KATNB1: variants seen among roughly 807,000 people sequenced by gnomAD.
KATNB1 encodes katanin regulatory subunit B1.
A neutral mutation model predicts 82.3 loss-of-function variants in KATNB1; 38 were observed. The observed-to-expected ratio is 0.46, with a 90% CI of 0.36 to 0.61. KATNB1 has a LOEUF of 0.61. KATNB1 is among the 20% of genes least tolerant of loss of function. The pLI is 0.00. For synonymous variants in KATNB1, 361 were observed against 368.7 expected (o/e 0.98, Z 0.24); for missense variants, 749 against 915.7 (o/e 0.82, Z 2.35).
Position 57,751,660 on chromosome 16 carries a change from G to A in KATNB1, c.452G>A (p.Arg151Gln), listed in dbSNP as rs372154500. Residue 151 changes from arginine to glutamine, a missense_variant, in exon 7 of 20, where the codon CGG (arginine) becomes CAG (glutamine). Transcript: ENST00000379661. The surrounding 1 kb of genome is among the most constrained non-coding windows in gnomAD (Gnocchi z 6.3). ...FRYRGHSQAV[R>Q]CLRFSPDGKW... The stretch of plus-strand genomic sequence containing the variant: ...CCTCAGGGGCACAGCCAGGCCGTGC[G>A]GTGTCTCCGGTTCAGCCCCGATGGG... 27 of 1,611,294 alleles carry A rather than the reference G, an allele frequency of 1.7e-5. No homozygotes were observed. In the South Asian group the frequency reaches 2.3e-4, roughly 14 times the overall value.
At chr16:57,752,238 GT>G in intron 8 of KATNB1, 183 bp downstream of exon 8, 1 of 644,578 alleles carries the variant, frequency 1.6e-6, no homozygotes, top group South Asian at 1.8e-5. Context: ...CCTGGCTCTG[GT>G]TCCCTGGCCC....
rs529049366 is a variant in KATNB1, at chr16:57,746,627, T to C, written c.289+2116T>C. On this transcript the variant is annotated intron_variant, in intron 4 of 19. Coordinates refer to ENST00000379661, the MANE Select transcript of KATNB1 (RefSeq NM_005886.3). ...GAGAGGCTGGAAATCTGGAAATTCA[T>C]GTGCCTTGGTGCCTTAGCAGGTGGT... 8.5e-5 allele frequency among the ~76,000 whole-genome samples: 13 copies of C among 152,216 alleles called. No individual in the cohort carries two copies. In the East Asian group the frequency reaches 2.3e-3, roughly 27 times the overall value.
rs2049224032 is a variant in KATNB1, at chr16:57,751,195, C to T, written c.391-66C>T. ...GCCCCACCGTCTGCTCACGACTGCACACCTTCCTCCAGTCGTGGCTCTGAC... is the reference window on the plus strand; with the variant it reads ...GCCCCACCGTCTGCTCACGACTGCATACCTTCCTCCAGTCGTGGCTCTGAC... On this transcript the variant is annotated intron_variant, in intron 5 of 19. Coordinates refer to ENST00000379661, the MANE Select transcript of KATNB1 (RefSeq NM_005886.3). This position sits in a 1 kb window ranked among gnomAD's most constrained non-coding sequence, Gnocchi z 6.3. 8.8e-6 allele frequency: 13 copies of T among 1,485,284 alleles called. No individual in the cohort carries two copies. The highest frequency in any genetic ancestry group is 1.7e-5 in the Admixed American group (1 of 59,738). 92.0% of individuals were successfully genotyped at this position (1,485,284 alleles called of 1,614,324 possible).
chr16:57,744,673 G>T (rs782412931), intron 4 of KATNB1, among the ~76,000 whole-genome samples, 162 bp downstream of exon 4: 3 of 152,206 alleles, frequency 2.0e-5, no homozygotes, highest in Non-Finnish European at 2.9e-5. Context: ...CCATTAGCCT[G>T]GCATTGACAT....
chr16:57,747,037 A>G (rs927821990), intron 4 of KATNB1, among the ~76,000 whole-genome samples: 1 of 150,554 alleles, frequency 6.6e-6, no homozygotes, highest in Non-Finnish European at 1.5e-5. Context: ...ACGGACCACC[A>G]TGTCCCGCTA....
intron 13 of KATNB1, 24 bp downstream of exon 13, chr16:57,754,019 C>T (rs372977490): frequency 1.2e-6 from 2 of 1,608,150 alleles, no homozygotes; most frequent in African/African-American, 1.3e-5. Flanking sequence ...GCCTGGTTTC[C>T]CAAGGTCTCT....
Position 57,757,007 on chromosome 16 carries a change from G to C in KATNB1, c.*61G>C, listed in dbSNP as rs1360887458. 7.0e-7 allele frequency: 1 copy of C among 1,434,878 alleles called. No individual in the cohort carries two copies. The highest frequency in any genetic ancestry group is 2.7e-5 in the Admixed American group (1 of 36,804). The allele number at this position is 1,434,878 out of a possible 1,614,324, so 88.9% of individuals were successfully genotyped here. On this transcript the variant is annotated 3_prime_UTR_variant, in exon 20 of 20. Transcript: ENST00000379661. ...GGGCCTGGCCTCAGCCCCCACTCCTGTTCCTTGTGCACCCACTGGCCCATG... is the reference window on the plus strand; with the variant it reads ...GGGCCTGGCCTCAGCCCCCACTCCTCTTCCTTGTGCACCCACTGGCCCATG...
chr16:57,755,277 G>A (rs1555585455), intron 15 of KATNB1, 39 bp downstream of exon 15: 2 of 1,610,614 alleles, frequency 1.2e-6, no homozygotes, highest in East Asian at 4.5e-5. Flanking sequence ...GTGGAGGTCT[G>A]TGGGTGGAGG....
chr16:57,740,877 C>T (rs532251005), intron 2 of KATNB1, among the ~76,000 whole-genome samples: 7 of 152,188 alleles, frequency 4.6e-5, no homozygotes, highest in Non-Finnish European at 1.0e-4. Context: ...CCCATGCCCA[C>T]TCTCTCATGG....
chr16:57,741,605 G>A (rs1479421207), intron 2 of KATNB1, 82 bp from the exon 3 acceptor site: 48 of 1,472,412 alleles, frequency 3.3e-5, no homozygotes, highest in South Asian at 1.3e-4. Flanking sequence ...GTTCCAAAGC[G>A]GGTAGCCGAG....
intron 2 of KATNB1, among the ~76,000 whole-genome samples, chr16:57,737,840 T>A (rs1325113984): frequency 6.6e-6 from 1 of 152,200 alleles, no homozygotes; most frequent in East Asian, 1.9e-4. Context: ...CTTCATACTT[T>A]AAGAATTATT....
chr16:57,742,646 A>C (rs2049151523), intron 3 of KATNB1, among the ~76,000 whole-genome samples: 1 of 152,260 alleles, frequency 6.6e-6, no homozygotes, highest in Non-Finnish European at 1.5e-5. Context: ...ATTCTTTTAC[A>C]ACATAATTTT....
intron 1 of KATNB1, among the ~76,000 whole-genome samples, chr16:57,736,473 G>T (rs2049100688): frequency 6.6e-6 from 1 of 152,140 alleles, no homozygotes; most frequent in Admixed American, 6.5e-5. Context: ...TCTGTCCTTG[G>T]GAATCGCAGG....
chr16:57,737,144 C>G lies in KATNB1; in HGVS notation c.-100C>G. ...TGCCTGGATGTGTGGGAACTCTCTGCCAACTTGATTGGTGGATCTGGGGGG... is the reference window on the plus strand; with the variant it reads ...TGCCTGGATGTGTGGGAACTCTCTGGCAACTTGATTGGTGGATCTGGGGGG... On this transcript the variant is annotated 5_prime_UTR_variant, in exon 2 of 20. Transcript: ENST00000379661. The G allele has an allele frequency of 6.8e-7, 1 of 1,461,998 alleles. No homozygotes were observed. The highest frequency in any genetic ancestry group is 9.5e-7 in the Non-Finnish European group (1 of 1,056,200). The allele number at this position is 1,461,998 out of a possible 1,614,324, so 90.6% of individuals were successfully genotyped here.
At chr16:57,754,038 C>G (rs782413648) in intron 13 of KATNB1, 43 bp downstream of exon 13, 3 of 1,530,306 alleles carry the variant, frequency 2.0e-6, no homozygotes, top group South Asian at 1.1e-5. Context: ...CTGATGCCCC[C>G]CCGTCCCTCA....
At chr16:57,748,438 C>T (rs2148792802) in intron 4 of KATNB1, among the ~76,000 whole-genome samples, 1 of 145,036 alleles carries the variant, frequency 6.9e-6, no homozygotes, top group East Asian at 2.0e-4. Context: ...CTAACCTGGG[C>T]AACAAAAGGA....
intron 9 of KATNB1, 23 bp from the exon 10 acceptor site, chr16:57,752,755 C>A (rs557656743): frequency 1.9e-6 from 3 of 1,604,808 alleles, no homozygotes; most frequent in Non-Finnish European, 1.7e-6. Flanking sequence ...ACAGGACCCA[C>A]GGCCATCTCT....
chr16:57,752,308 C>T (rs2049234931), intron 8 of KATNB1: 1 of 623,684 alleles, frequency 1.6e-6, no homozygotes, highest in Non-Finnish European at 2.8e-6. Context: ...CTAGTGGGAC[C>T]CCATAGGGCA....
rs369259979 is a variant in KATNB1, at chr16:57,754,007, G to A, written c.1228+12G>A. On this transcript the variant is annotated intron_variant, in intron 13 of 19. Transcript: ENST00000379661. ...ACCCCCAGAGGACGGTGAGTTGGGT[G>A]AGCCTGGTTTCCCAAGGTCTCTGAT... 1 of 1,612,590 alleles carries A rather than the reference G, an allele frequency of 6.2e-7. No homozygotes were observed. The highest frequency in any genetic ancestry group is 1.3e-5 in the African/African-American group (1 of 74,812).
Sources: allele counts gnomAD v4.1 joint callset (sites outside exome capture counted in the v4.1 genomes callset), GRCh38; gene constraint gnomAD v4.1.1; non-coding constraint Gnocchi (gnomAD v3.1); transcripts MANE v1.5; gene names NCBI Gene and HGNC (gene_info 2026-07-23, HGNC 2026-07-21).